The following KCNIP4 variants were observed in gnomAD, a reference collection of about 807,000 sequenced individuals.
KCNIP4 encodes Kv channel-interacting protein 4.
In KCNIP4, 12 loss-of-function variants were observed where a neutral mutation model predicts 34.0. The observed-to-expected ratio is 0.35, with a 90% CI of 0.23 to 0.57. The LOEUF is 0.57. Among genes scored for constraint, KCNIP4 ranks in the 20% least tolerant of loss-of-function variants. The pLI is 0.83. For synonymous variants in KCNIP4, 124 were observed against 102.2 expected, an observed-to-expected ratio of 1.21 and a Z score of -1.29; for missense variants, 238 against 311.7, an observed-to-expected ratio of 0.76 and a Z score of 1.78.
At chr4:21,237,837 C>A (rs1454125794) in intron 1 of KCNIP4, among the ~76,000 whole-genome samples, 1 of 152,130 alleles carries the variant, frequency 6.6e-6, no homozygotes, top group African/African-American at 2.4e-5. Flanking sequence ...TGAAACTATT[C>A]CAATCAATAG....
intron 1 of KCNIP4, among the ~76,000 whole-genome samples, chr4:21,833,153 G>A (rs1214835919): frequency 1.3e-5 from 2 of 151,320 alleles, no homozygotes; most frequent in Non-Finnish European, 2.9e-5. Flanking sequence ...CTAGATCCCT[G>A]AGGAATCGCC....
intron 1 of KCNIP4, among the ~76,000 whole-genome samples, chr4:21,537,186 T>C (rs1437793103): frequency 6.6e-6 from 1 of 152,182 alleles, no homozygotes; most frequent in Middle Eastern, 3.2e-3. Context: ...CTGGTAATCT[T>C]TGATTTCTCA....
chr4:21,324,494 T>C (rs1578079176), intron 1 of KCNIP4, among the ~76,000 whole-genome samples: 1 of 152,094 alleles, frequency 6.6e-6, no homozygotes, highest in African/African-American at 2.4e-5. Flanking sequence ...GCACCATTTA[T>C]GGAAAAGGCT....
chr4:21,170,003 G>A (rs1291811227), intron 1 of KCNIP4, among the ~76,000 whole-genome samples: 1 of 152,052 alleles, frequency 6.6e-6, no homozygotes, highest in Non-Finnish European at 1.5e-5. Flanking sequence ...TTAAACTTCT[G>A]TCTATCAGAG....
intron 1 of KCNIP4, among the ~76,000 whole-genome samples, chr4:21,486,690 T>C (rs1387875433): frequency 6.6e-6 from 1 of 152,212 alleles, no homozygotes; most frequent in East Asian, 1.9e-4. Flanking sequence ...TAGAATAGTT[T>C]TATGTTTCTA....
chr4:21,575,420 C>G (rs1037976493), intron 1 of KCNIP4, among the ~76,000 whole-genome samples: 8 of 152,094 alleles, frequency 5.3e-5, no homozygotes, highest in African/African-American at 1.7e-4. Flanking sequence ...TTTCTTATAC[C>G]TAAGGAACAA....
intron 1 of KCNIP4, among the ~76,000 whole-genome samples, chr4:21,550,134 G>A (rs531057228): frequency 6.6e-6 from 1 of 152,160 alleles, no homozygotes; most frequent in African/African-American, 2.4e-5. Context: ...GGAAGAGAAG[G>A]CTGCTTACAA....
At chr4:20,816,793 A>G (rs1039441315) in intron 3 of KCNIP4, among the ~76,000 whole-genome samples, 3 of 152,218 alleles carry the variant, frequency 2.0e-5, no homozygotes, top group Non-Finnish European at 2.9e-5. Context: ...CATAGACCTA[A>G]TAATCAGGAC....
intron 1 of KCNIP4, among the ~76,000 whole-genome samples, chr4:21,412,444 A>G (rs1445386840): frequency 2.0e-5 from 3 of 152,200 alleles, no homozygotes; most frequent in African/African-American, 7.2e-5. Context: ...TTGGTGACAC[A>G]TGGCTTGGCA....
At chr4:21,173,460 A>G (rs1754166205) in intron 1 of KCNIP4, among the ~76,000 whole-genome samples, 1 of 152,192 alleles carries the variant, frequency 6.6e-6, no homozygotes, top group Non-Finnish European at 1.5e-5. Context: ...ATAGCAGAGC[A>G]GTTCAGGGGA....
In KCNIP4 at chr4:20,969,946, G is replaced by GTT. The variant is rs201808424; in HGVS notation, c.62-87239_62-87238dup. On this transcript the variant is annotated intron_variant, in intron 1 of 8. Transcript: ENST00000382152. ...TAAACAAATGAAAATATTATCAGCAGTTTTTTTTTTTTTGAGACGGATTCT... is the reference window on the plus strand; with the variant it reads ...TAAACAAATGAAAATATTATCAGCAGTTTTTTTTTTTTTTTGAGACGGATTCT... Among the ~76,000 whole-genome samples, 349 of 144,828 alleles carry GTT rather than the reference G, an allele frequency of 2.4e-3. 1 individual carries two copies. The highest frequency in any genetic ancestry group is 3.2e-3 in the Non-Finnish European group (213 of 65,932).
chr4:21,674,337 T>C (rs529856885), intron 1 of KCNIP4, among the ~76,000 whole-genome samples: 207 of 152,322 alleles, frequency 1.4e-3, no homozygotes, highest in Non-Finnish European at 2.1e-3. Context: ...GTGGGCTTTC[T>C]CTACGTCTAA....
chr4:20,905,509 C>CTTTTTTTTCTTTTTTTTTTTT (rs1727645444), intron 1 of KCNIP4, among the ~76,000 whole-genome samples: 1 of 72,804 alleles, frequency 1.4e-5, no homozygotes, highest in African/African-American at 4.6e-5. Flanking sequence ...CGTTTTCTTT[C>CTTTTTTTTCTTTTTTTTTTTT]TTTTTTTTTT....
intron 6 of KCNIP4, 61 bp downstream of exon 6, chr4:20,734,567 T>A: frequency 1.2e-6 from 1 of 821,082 alleles, no homozygotes; most frequent in Non-Finnish European, 1.9e-6. Flanking sequence ...GCAATTAATA[T>A]TTTAAAGTTA....
intron 1 of KCNIP4, among the ~76,000 whole-genome samples, chr4:21,472,259 A>G (rs4441742): frequency 0.022 from 3,331 of 152,120 alleles, 121 homozygotes; most frequent in East Asian, 0.12. Context: ...AGCAAGCATT[A>G]CCTCCATTTC....
intron 1 of KCNIP4, among the ~76,000 whole-genome samples, chr4:21,763,848 G>A (rs1326462188): frequency 1.3e-5 from 2 of 152,078 alleles, no homozygotes; most frequent in Non-Finnish European, 2.9e-5. Flanking sequence ...ATCTGAAATT[G>A]TAAAAATTCT....
chr4:21,530,885 T>C (rs2108976811), intron 1 of KCNIP4, among the ~76,000 whole-genome samples: 1 of 152,246 alleles, frequency 6.6e-6, no homozygotes, highest in East Asian at 1.9e-4. Context: ...CACCAGAGCA[T>C]AAGCAAAGGT....
intron 1 of KCNIP4, among the ~76,000 whole-genome samples, chr4:21,570,104 T>C (rs981792176): frequency 6.6e-6 from 1 of 152,078 alleles, no homozygotes; most frequent in Admixed American, 6.6e-5. Flanking sequence ...GAATCCTTCT[T>C]CCAACTTCCA....
In KCNIP4 at chr4:21,106,964, A is replaced by G. The variant is rs549404667; in HGVS notation, c.62-224255T>C. On this transcript the variant is annotated intron_variant, in intron 1 of 8. Coordinates refer to ENST00000382152, the MANE Select transcript of KCNIP4 (RefSeq NM_025221.6). ...TTGATTGCACTGTGGTCTGAGAGAC[A>G]GTTTGTTATAATTTCTGTTCTTTTA... is the stretch of plus-strand genomic sequence containing the variant. Among the ~76,000 whole-genome samples, 55 of 150,640 alleles carry G rather than the reference A, an allele frequency of 3.7e-4. No homozygotes were observed. The South Asian group carries it at 0.011, about 30-fold the overall frequency.
Sources: gnomAD v4.1 joint callset for allele counts (sites outside exome capture counted in the v4.1 genomes callset) on GRCh38, gnomAD v4.1.1 for gene constraint, MANE v1.5 for transcripts, NCBI Gene and HGNC (gene_info 2026-07-23, HGNC 2026-07-21) for gene names.